MAML3: variants seen among roughly 807,000 people sequenced by gnomAD.
MAML3 encodes the protein mastermind-like protein 3.
A neutral mutation model predicts 101.9 loss-of-function variants in MAML3; 27 were observed. That is an observed-to-expected ratio of 0.27 (90% confidence interval 0.20 to 0.37). The LOEUF (loss-of-function observed/expected upper bound fraction) is 0.37, where lower values mean the gene tolerates loss of function less well. Among genes scored for constraint, MAML3 ranks in the 10% least tolerant of loss-of-function variants. MAML3 has a pLI of 1.00. For missense variants in MAML3, 1,316 were observed against 1,444.9 expected, an observed-to-expected ratio of 0.91 and a Z score of 1.45; for synonymous variants, 501 against 555.9, an observed-to-expected ratio of 0.90 and a Z score of 1.39.
intron 2 of MAML3, among the ~76,000 whole-genome samples, chr4:139,752,648 A>T (rs1439601726): frequency 6.6e-6 from 1 of 152,210 alleles, no homozygotes; most frequent in Non-Finnish European, 1.5e-5. Flanking sequence ...GATAATAATA[A>T]AAAACCTTTA....
At chr4:139,976,736 G>A (rs909929455) in intron 1 of MAML3, among the ~76,000 whole-genome samples, 2 of 152,092 alleles carry the variant, frequency 1.3e-5, no homozygotes, top group Admixed American at 6.5e-5. Context: ...AGAGGCATTT[G>A]CTTAATTAAG....
intron 1 of MAML3, among the ~76,000 whole-genome samples, chr4:140,136,044 G>C (rs769759424): frequency 1.3e-5 from 2 of 152,154 alleles, no homozygotes; most frequent in African/African-American, 2.4e-5. Flanking sequence ...TCCTGGGTGT[G>C]GACAGAAGAA....
Position 139,927,095 on chromosome 4 carries a change from TGTACTTTTC to T in MAML3, c.469-36137_469-36129del, listed in dbSNP as rs1335272482. Among the ~76,000 whole-genome samples, 30 of 151,748 alleles carry T rather than the reference TGTACTTTTC, an allele frequency of 2.0e-4. 1 individual carries two copies. The South Asian group carries it at 5.4e-3, about 28-fold the overall frequency. On this transcript the variant is annotated intron_variant, in intron 1 of 4. Coordinates refer to ENST00000509479, the MANE Select transcript of MAML3 (RefSeq NM_018717.5). ...TTCTTTTTTTTTTTTTTGTACTTTT[TGTACTTTTC>T]GTAGAGACAGGGTTTCACTGTGTCA...
intron 2 of MAML3, among the ~76,000 whole-genome samples, chr4:139,790,242 T>TATATATAA (rs1491569003): frequency 5.0e-5 from 7 of 140,508 alleles, no homozygotes; most frequent in African/African-American, 7.8e-5. Flanking sequence ...TATATATATA[T>TATATATAA]AAATAAATAT....
chr4:140,137,775 T>TTACTTCAGA, intron 1 of MAML3, among the ~76,000 whole-genome samples: 1 of 152,314 alleles, frequency 6.6e-6, no homozygotes, highest in East Asian at 1.9e-4. Context: ...TCCTACACCA[T>TTACTTCAGA]TACTTCAGAA....
intron 4 of MAML3, 55 bp downstream of exon 4, chr4:139,725,696 C>G: frequency 6.5e-7 from 1 of 1,535,468 alleles, no homozygotes; most frequent in South Asian, 1.1e-5. Context: ...GCTACACATT[C>G]ACTTACGCTT....
intron 2 of MAML3, among the ~76,000 whole-genome samples, chr4:139,809,529 C>T (rs1730756697): frequency 6.6e-6 from 1 of 152,166 alleles, no homozygotes; most frequent in Non-Finnish European, 1.5e-5. Context: ...TGACCCTGGT[C>T]CCCACCCTCT....
chr4:140,123,721 T>C (rs1245042901), intron 1 of MAML3, among the ~76,000 whole-genome samples: 1 of 152,192 alleles, frequency 6.6e-6, no homozygotes, highest in African/African-American at 2.4e-5. Flanking sequence ...TAAATTCTAT[T>C]GTGAGGGGGC....
intron 2 of MAML3, among the ~76,000 whole-genome samples, chr4:139,769,053 CA>C (rs1455984929): frequency 6.6e-6 from 1 of 152,184 alleles, no homozygotes; most frequent in Non-Finnish European, 1.5e-5. Context: ...TTAGGAAGAA[CA>C]GTCCCAGTCC....
intron 2 of MAML3, among the ~76,000 whole-genome samples, chr4:139,736,371 C>T (rs1171387106): frequency 1.3e-5 from 2 of 152,114 alleles, no homozygotes; most frequent in African/African-American, 4.8e-5. Flanking sequence ...GGCCAAAGAG[C>T]GCAGCAGTTT....
At chr4:140,092,088 GTATATATATATATACGTATATATAT>G (rs1728065417) in intron 1 of MAML3, among the ~76,000 whole-genome samples, 3 of 76,086 alleles carry the variant, frequency 3.9e-5, no homozygotes, top group Non-Finnish European at 9.1e-5. Flanking sequence ...ATATATATAC[GTATATATATATATACGTATATATAT>G]ATATACGTAT....
intron 1 of MAML3, among the ~76,000 whole-genome samples, chr4:139,897,066 A>G (rs1038419638): frequency 6.6e-6 from 1 of 151,858 alleles, no homozygotes; most frequent in African/African-American, 2.4e-5. Flanking sequence ...AGTCAGATAA[A>G]CTCTTACTGT....
intron 1 of MAML3, among the ~76,000 whole-genome samples, chr4:140,139,209 G>A (rs1728944240): frequency 6.6e-6 from 1 of 152,176 alleles, no homozygotes; most frequent in South Asian, 2.1e-4. Context: ...GGAGTTGGAG[G>A]CTGCAGTGAG....
chr4:140,122,215 C>A (rs1321502124), intron 1 of MAML3, among the ~76,000 whole-genome samples: 10 of 123,602 alleles, frequency 8.1e-5, no homozygotes, highest in Non-Finnish European at 1.6e-4. Context: ...AATAATCAAA[C>A]GAGACTTTTT....
chr4:140,021,781 CA>C (rs1726737698), intron 1 of MAML3, among the ~76,000 whole-genome samples: 1 of 152,150 alleles, frequency 6.6e-6, no homozygotes, highest in Non-Finnish European at 1.5e-5. Flanking sequence ...CCACTGATCC[CA>C]ATCCTTCCTC....
At chr4:140,025,649 C>G (rs952803132) in intron 1 of MAML3, among the ~76,000 whole-genome samples, 1 of 152,134 alleles carries the variant, frequency 6.6e-6, no homozygotes, top group Non-Finnish European at 1.5e-5. Flanking sequence ...CAGAGACAGA[C>G]AGGAAGACAA....
intron 1 of MAML3, among the ~76,000 whole-genome samples, chr4:139,919,985 AAAAAAGCCTTGTT>A (rs1733094007): frequency 6.6e-6 from 1 of 152,192 alleles, no homozygotes; most frequent in Non-Finnish European, 1.5e-5. Flanking sequence ...GCCATGCTGT[AAAAAAGCCTTGTT>A]AAATTTGTTT....
At chr4:140,035,379 C>T (rs1726968870) in intron 1 of MAML3, among the ~76,000 whole-genome samples, 1 of 152,084 alleles carries the variant, frequency 6.6e-6, no homozygotes. Context: ...AACACAGGAC[C>T]CAGGTTTTCC....
chr4:139,927,072 C>CTTTTTTTTTTTTTTTTTTTTT (rs61573991), intron 1 of MAML3, among the ~76,000 whole-genome samples: 2 of 134,724 alleles, frequency 1.5e-5, no homozygotes, highest in Non-Finnish European at 1.6e-5. Context: ...TTTCTTTTTT[C>CTTTTTTTTTTTTTTTTTTTTT]TTTTTTTTTT....
Sources: allele counts gnomAD v4.1 joint callset (sites outside exome capture counted in the v4.1 genomes callset), GRCh38; gene constraint gnomAD v4.1.1; transcripts MANE v1.5; gene names NCBI Gene and HGNC (gene_info 2026-07-23, HGNC 2026-07-21).